BOP1: variants seen among roughly 807,000 people sequenced by gnomAD.
BOP1 encodes the protein BOP1 ribosomal biogenesis factor.
A neutral mutation model predicts 82.9 loss-of-function variants in BOP1; 54 were observed. The ratio of observed to expected loss-of-function variants is 0.65; its 90% confidence interval spans 0.52 to 0.82. The LOEUF (loss-of-function observed/expected upper bound fraction) is 0.82, where lower values mean the gene tolerates loss of function less well. BOP1 is among the 40% of genes least tolerant of loss of function. BOP1 has a pLI of 0.00. For synonymous variants in BOP1, 566 were observed against 451.1 expected (o/e 1.25, Z -3.23); for missense variants, 1,170 against 1,072.0 (o/e 1.09, Z -1.28).
chr8:144,291,013 C>T lies in BOP1; in HGVS notation c.99+259G>A, dbSNP rs1484382857. 6.6e-6 allele frequency among the ~76,000 whole-genome samples: 1 copy of T among 152,228 alleles called. No individual in the cohort carries two copies. Among genetic ancestry groups the T allele is most frequent in the African/African-American group, 2.4e-5 (1 of 41,462 alleles). ...TTATTGGCAGGATGCACAAATGGAA[C>T]GGCTGGAGAGGCTGCTGCAAGGGGC... On this transcript the variant is annotated intron_variant, in intron 1 of 15. Coordinates refer to ENST00000569669, the MANE Select transcript of BOP1 (RefSeq NM_015201.5). The surrounding 1 kb of genome is among the most constrained non-coding windows in gnomAD (Gnocchi z 4.1).
rs1237949708 is a variant in BOP1, at chr8:144,262,940, G to A, written c.1807C>T (p.Arg603Cys). Reference protein sequence around the residue: ...FLLVASQRSVRLYHLLRQELT... With the variant: ...FLLVASQRSVCLYHLLRQELT... ...TCCTGGCGCAGCAGGTGGTAGAGGCGGACGCTGCGCTGGGACGCCACCAAC... is the reference window on the plus strand; with the variant it reads ...TCCTGGCGCAGCAGGTGGTAGAGGCAGACGCTGCGCTGGGACGCCACCAAC... The change falls in exon 13 of 16, where the codon CGC (arginine) becomes TGC (cysteine). Residue 603 changes from arginine (R) to cysteine (C), a missense_variant. By Grantham distance (180) the Arg-to-Cys change is radical. Coordinates refer to ENST00000569669, the MANE Select transcript of BOP1 (RefSeq NM_015201.5). 37 of 1,547,154 alleles carry A rather than the reference G, an allele frequency of 2.4e-5. No homozygotes were observed. The highest frequency in any genetic ancestry group is 3.8e-5 in the Admixed American group (2 of 52,514).
At chr8:144,263,650 C>A (rs1025849042) in intron 10 of BOP1, 40 bp from the exon 11 acceptor site, 121 of 1,603,366 alleles carry the variant, frequency 7.5e-5, no homozygotes, top group Non-Finnish European at 9.9e-5. Flanking sequence ...CTGGCCATCC[C>A]ACCTGCCCCC....
chr8:144,290,022 C>T (rs921209817), intron 1 of BOP1, among the ~76,000 whole-genome samples: 4 of 152,172 alleles, frequency 2.6e-5, no homozygotes, highest in African/African-American at 9.7e-5. Context: ...TGTTCGGGTC[C>T]TTCACTGGCC....
At position 144,264,729 on chromosome 8, in the gene BOP1, G is replaced by A; in HGVS notation, c.648C>T (p.Gly216=). The change falls in exon 5 of 16, where the codon GGC becomes GGT. Residue 216 remains glycine, a synonymous_variant. Coordinates refer to ENST00000569669, the MANE Select transcript of BOP1 (RefSeq NM_015201.5). ...TGCCACCTACCTCATAGGGGTTGAA[G>A]CCCACATCCCCAAACTGGCCACTCT... ...RLQSGQFGDV[G]FNPYEPAVDF... The A allele has an allele frequency of 6.3e-7, 1 of 1,579,504 alleles. No homozygotes were observed. The highest frequency in any genetic ancestry group is 8.6e-7 in the Non-Finnish European group (1 of 1,163,548).
At chr8:144,268,109 G>T in intron 3 of BOP1, 1 of 1,551,298 alleles carries the variant, frequency 6.4e-7, no homozygotes. Flanking sequence ...TGCAGAGCAA[G>T]GACCGCGACA....
intron 2 of BOP1, among the ~76,000 whole-genome samples, chr8:144,286,446 G>A (rs1278497651): frequency 1.6e-5 from 2 of 125,094 alleles, no homozygotes; most frequent in African/African-American, 3.0e-5. Context: ...CACAGGACAC[G>A]CGGGCAGGTG....
intron 2 of BOP1, among the ~76,000 whole-genome samples, chr8:144,278,211 C>A (rs954756968): frequency 1.3e-5 from 2 of 149,508 alleles, no homozygotes; most frequent in Non-Finnish European, 3.0e-5. Flanking sequence ...GACGGGTGGG[C>A]AGGGAGCCGC....
At position 144,264,031 on chromosome 8, in the gene BOP1, A is replaced by G. The variant is rs1423274166; in HGVS notation, c.1090T>C (p.Phe364Leu). 5.6e-6 allele frequency: 9 copies of G among 1,609,494 alleles called. No individual in the cohort carries two copies. The East Asian group carries it at 2.0e-4, about 36-fold the overall frequency. Reference protein sequence around the residue: ...PAYGRFIQERFERCLDLYLCP... With the variant: ...PAYGRFIQERLERCLDLYLCP... ...AGGTACAGGTCAAGGCAGCGCTCGA[A>G]GCGTTCCTGGATGAAGCGTCCGTAG... Residue 364 changes from phenylalanine to leucine, a missense_variant, in exon 8 of 16, where the codon TTC (phenylalanine) becomes CTC (leucine). Transcript: ENST00000569669.
At position 144,279,060 on chromosome 8, in the gene BOP1, C is replaced by A. The variant is rs1231104822; in HGVS notation, c.310-2756G>T. ...GGCCATGTGTGCTGCCACCAGAGGC[C>A]CCAAGACCACCACGGGCCATGACCA... On this transcript the variant is annotated intron_variant, in intron 2 of 15. Transcript: ENST00000569669. Among the ~76,000 whole-genome samples the A allele has an allele frequency of 2.9e-5, 4 of 138,032 alleles. No individual in the cohort carries two copies. In the East Asian group the frequency reaches 8.0e-4, roughly 28 times the overall value. The allele number at this position is 138,032 out of a possible 152,430, so 90.6% of individuals were successfully genotyped here.
intron 1 of BOP1, among the ~76,000 whole-genome samples, 170 bp from the exon 2 acceptor site, chr8:144,289,474 G>A (rs1814973272): frequency 6.6e-6 from 1 of 152,148 alleles, no homozygotes; most frequent in East Asian, 1.9e-4. Flanking sequence ...CACCCAACCT[G>A]AGCCTTCCTC....
In BOP1 at chr8:144,262,463, G is replaced by C; in HGVS notation, c.2020C>G (p.Arg674Gly). Residue 674 changes from arginine (R) to glycine (G), a missense_variant, in exon 15 of 16, where the codon CGG becomes GGG. Physicochemically the swap from Arg to Gly is moderately radical, Grantham distance 125 (BLOSUM62 -2). Coordinates refer to ENST00000569669, the MANE Select transcript of BOP1 (RefSeq NM_015201.5). Reference sequence around the variant, plus strand: ...GAGCCTGACGCAAAGAGTGGGTACCGCGGGTGGAAGGCCACAGCCCGCAGA... The same window carrying C: ...GAGCCTGACGCAAAGAGTGGGTACCCCGGGTGGAAGGCCACAGCCCGCAGA... ...KALRAVAFHPRYPLFASGSDD... is the reference protein window; with the variant it reads ...KALRAVAFHPGYPLFASGSDD... The C allele has an allele frequency of 6.2e-7, 1 of 1,612,850 alleles. No individual in the cohort carries two copies. The highest frequency in any genetic ancestry group is 8.5e-7 in the Non-Finnish European group (1 of 1,179,828).
At chr8:144,271,477 A>G (rs1845491678) in intron 3 of BOP1, among the ~76,000 whole-genome samples, 1 of 151,640 alleles carries the variant, frequency 6.6e-6, no homozygotes, top group Admixed American at 6.6e-5. Context: ...CAATGCGGGT[A>G]GTGTTCAGCG....
At chr8:144,269,342 C>T (rs1468077331) in intron 3 of BOP1, among the ~76,000 whole-genome samples, 3 of 152,182 alleles carry the variant, frequency 2.0e-5, no homozygotes, top group South Asian at 2.1e-4. Flanking sequence ...GTGCCAGGTG[C>T]GGGCGTCAGG....
chr8:144,289,366 A>G, intron 1 of BOP1, 62 bp from the exon 2 acceptor site: 1 of 1,551,842 alleles, frequency 6.4e-7, no homozygotes, highest in Non-Finnish European at 8.8e-7. Context: ...TGAACACTGC[A>G]GGGAGAGCTG....
rs766396811 is a variant in BOP1, at chr8:144,271,513, G to A, written c.390+4711C>T. ...TTCGCGCCGCTCCCCTGCACAAAAC[G>A]CCCGCCTGTCTCGGAGCGCCACACG... On this transcript the variant is annotated intron_variant, in intron 3 of 15. Coordinates refer to ENST00000569669, the MANE Select transcript of BOP1 (RefSeq NM_015201.5). 6.8e-3 allele frequency among the ~76,000 whole-genome samples: 1,041 copies of A among 152,006 alleles called. 5 individuals carry two copies. Among genetic ancestry groups the A allele is most frequent in the Non-Finnish European group, 9.5e-3 (646 of 67,950 alleles).
intron 3 of BOP1, chr8:144,268,253 C>T (rs1021921436): frequency 4.7e-6 from 7 of 1,474,824 alleles, no homozygotes; most frequent in Admixed American, 4.0e-5. Context: ...CCACCGCAAG[C>T]ATGCCCCCAG....
intron 2 of BOP1, among the ~76,000 whole-genome samples, chr8:144,281,213 A>C (rs1299967969): frequency 0.052 from 484 of 9,276 alleles, 240 homozygotes; most frequent in East Asian, 0.17. Flanking sequence ...CTCTCAGTTT[A>C]ATACCAGGTC....
In BOP1 at chr8:144,263,068, T is replaced by TG; in HGVS notation, c.1678dup (p.Gln560ProfsTer74). The TG allele has an allele frequency of 6.3e-7, 1 of 1,588,076 alleles. No homozygotes were observed. Among genetic ancestry groups the TG allele is most frequent in the Non-Finnish European group, 8.5e-7 (1 of 1,176,204 alleles). On this transcript the variant is annotated frameshift_variant, in exon 13 of 16. Transcript: ENST00000569669. LOFTEE classifies it high-confidence loss of function. ...ACGGCTCAGCTGGTGAATCAGCACC[T>TG]GGGTGTGGCCTTGGGTGGCCAGCAC...
chr8:144,262,772 C>CGACCCCCACCCCTCACCTGCAGGG (rs1845243926), intron 13 of BOP1, 81 bp downstream of exon 13: 1 of 1,377,488 alleles, frequency 7.3e-7, no homozygotes, highest in African/African-American at 1.8e-5. Context: ...TGCACTGCCC[C>CGACCCCCACCCCTCACCTGCAGGG]TACCCCCACC....
Sources: gnomAD v4.1 joint callset for allele counts (sites outside exome capture counted in the v4.1 genomes callset) on GRCh38, gnomAD v4.1.1 for gene constraint, Gnocchi (gnomAD v3.1) non-coding constraint, MANE v1.5 for transcripts, NCBI Gene and HGNC (gene_info 2026-07-23, HGNC 2026-07-21) for gene names.